HAUS6: variants seen among roughly 807,000 people sequenced by gnomAD.
HAUS6 encodes the protein HAUS augmin-like complex subunit 6.
A neutral mutation model predicts 106.8 loss-of-function variants in HAUS6; 80 were observed. That is an observed-to-expected ratio of 0.75 (90% CI 0.63 to 0.90). The LOEUF (loss-of-function observed/expected upper bound fraction) is 0.90. Ranked by LOEUF, HAUS6 falls within the 40% of genes least tolerant of loss-of-function variation. HAUS6 has a pLI of 0.00. For missense variants in HAUS6, 1,155 were observed against 1,118.1 expected (o/e 1.03, Z -0.47); for synonymous variants, 356 against 379.1 (o/e 0.94, Z 0.71).
chr9:19,083,733 C>T (rs112131044), intron 7 of HAUS6, among the ~76,000 whole-genome samples: 14,621 of 150,128 alleles, frequency 0.097, 880 homozygotes, highest in Admixed American at 0.13. Context: ...ACCCGGCAGG[C>T]GGAGCTTGCA....
intron 11 of HAUS6, among the ~76,000 whole-genome samples, chr9:19,070,698 C>T (rs957052414): frequency 1.3e-5 from 2 of 152,152 alleles, no homozygotes; most frequent in Non-Finnish European, 2.9e-5. Flanking sequence ...ATTCTTCAAC[C>T]TATGACTGAA....
chr9:19,062,488 T>C (rs1344663234), intron 14 of HAUS6, among the ~76,000 whole-genome samples: 1 of 152,234 alleles, frequency 6.6e-6, no homozygotes, highest in African/African-American at 2.4e-5. Context: ...AAACCACAGA[T>C]GTAATATTAG....
At chr9:19,086,062 A>G (rs992929294) in intron 7 of HAUS6, among the ~76,000 whole-genome samples, 12 of 152,272 alleles carry the variant, frequency 7.9e-5, no homozygotes, top group African/African-American at 2.9e-4. Flanking sequence ...CTGTAATCCC[A>G]GCACTTTGGG....
At chr9:19,080,405 TAA>T in intron 9 of HAUS6, 72 bp downstream of exon 9, 1 of 904,932 alleles carries the variant, frequency 1.1e-6, no homozygotes, top group Non-Finnish European at 1.8e-6. Context: ...GAAGAGCTAT[TAA>T]ACTTATACAA....
rs41269013 is a variant in HAUS6, at chr9:19,102,484, G to T, written c.128+40C>A. 3 of 1,601,306 alleles carry T rather than the reference G, an allele frequency of 1.9e-6. No homozygotes were observed. The East Asian group carries it at 6.7e-5, about 36-fold the overall frequency. On this transcript the variant is annotated intron_variant, in intron 1 of 16. Transcript: ENST00000380502. ...AAGGGGGAGTCCCCCGGCGTCCCCC[G>T]GTTCAGGCTCCCTCGCCCCGCCGGC...
intron 12 of HAUS6, among the ~76,000 whole-genome samples, chr9:19,065,936 T>A (rs935142544): frequency 6.4e-4 from 65 of 101,156 alleles, no homozygotes; most frequent in East Asian, 1.8e-3. Context: ...CAGCCAAAAA[T>A]TTTTTTTTTT....
rs1476458428 is a variant in HAUS6 at position 19,058,425 on chromosome 9, G to C, written c.2342C>G (p.Pro781Arg). The change falls in exon 16 of 17, where the codon CCG becomes CGG. Residue 781 changes from proline to arginine, a missense_variant. Pro to Arg is a moderately radical substitution (Grantham distance 103, BLOSUM62 -2). Coordinates refer to ENST00000380502, the MANE Select transcript of HAUS6 (RefSeq NM_017645.5). Reference protein sequence around the residue: ...NDFGILHETLPEEVGHLSFNS... With the variant: ...NDFGILHETLREEVGHLSFNS... ...AAAACTTAGATGACCAACTTCTTCC[G>C]GGAGAGTTTCGTGTAATATGCCAAA... is the stretch of plus-strand genomic sequence containing the variant. 2 of 1,607,380 alleles carry C rather than the reference G, an allele frequency of 1.2e-6. No individual in the cohort carries two copies. Among genetic ancestry groups the C allele is most frequent in the Non-Finnish European group, 1.7e-6 (2 of 1,174,798 alleles).
In HAUS6 at chr9:19,086,973, T is replaced by A. The variant is rs1837311088; in HGVS notation, c.650+118A>T. On this transcript the variant is annotated intron_variant, in intron 6 of 16. Transcript: ENST00000380502. ...TCATAACTATGCTCTAATCCTATCA[T>A]CATCTGGCTATTGATATATTATTTT... The A allele has an allele frequency of 7.7e-6, 5 of 651,672 alleles. No homozygotes were observed. In the Admixed American group the frequency reaches 1.1e-4, roughly 14 times the overall value. 40.4% of individuals were successfully genotyped at this position (651,672 alleles called of 1,614,324 possible). A position where few individuals can be genotyped will look rare whatever the true frequency, so the allele number is the denominator to read the frequency against.
intron 9 of HAUS6, 97 bp downstream of exon 9, chr9:19,080,382 G>C (rs1203910045): frequency 6.8e-6 from 5 of 735,576 alleles, no homozygotes; most frequent in African/African-American, 1.8e-5. Context: ...TCTCATACTT[G>C]TTTGCCAAAG....
rs1327709862 is a variant in HAUS6 at position 19,094,948 on chromosome 9, CA to C, written c.225-554del. 2.0e-5 allele frequency among the ~76,000 whole-genome samples: 3 copies of C among 151,950 alleles called. No individual in the cohort carries two copies. In the South Asian group the frequency reaches 6.2e-4, roughly 32 times the overall value. Reference sequence around the variant, plus strand: ...AAAATGTATTAAATGAGGGAATGAACAGCTATAAAAATTGCTGAAAATCAGC... The same window carrying C: ...AAAATGTATTAAATGAGGGAATGAACGCTATAAAAATTGCTGAAAATCAGC... On this transcript the variant is annotated intron_variant, in intron 2 of 16. Coordinates refer to ENST00000380502, the MANE Select transcript of HAUS6 (RefSeq NM_017645.5).
intron 11 of HAUS6, among the ~76,000 whole-genome samples, chr9:19,076,198 A>C (rs1026321563): frequency 8.2e-4 from 54 of 66,004 alleles, no homozygotes; most frequent in African/African-American, 3.3e-3. Context: ...CATTTCTACA[A>C]AAAAAAAAAA....
chr9:19,070,617 A>G (rs1455854016), intron 11 of HAUS6, among the ~76,000 whole-genome samples: 4 of 152,240 alleles, frequency 2.6e-5, no homozygotes, highest in Non-Finnish European at 5.9e-5. Context: ...CACAAAAGCC[A>G]GCAAGGCCAA....
At chr9:19,097,751 TAATC>T (rs1442761610) in intron 1 of HAUS6, among the ~76,000 whole-genome samples, 3 of 148,726 alleles carry the variant, frequency 2.0e-5, no homozygotes, top group Non-Finnish European at 3.0e-5. Flanking sequence ...TTACCCTAAT[TAATC>T]AAAACAAAGC....
At chr9:19,089,153 G>T (rs1352829244) in intron 5 of HAUS6, among the ~76,000 whole-genome samples, 1 of 152,112 alleles carries the variant, frequency 6.6e-6, no homozygotes, top group Non-Finnish European at 1.5e-5. Context: ...TGAGGTGGGA[G>T]GATGACTTAA....
At chr9:19,083,089 C>A in intron 7 of HAUS6, 46 bp from the exon 8 acceptor site, 2 of 1,180,858 alleles carry the variant, frequency 1.7e-6, no homozygotes, top group South Asian at 2.0e-5. Flanking sequence ...ATAATCTGTA[C>A]ATATTTTAAA....
intron 12 of HAUS6, among the ~76,000 whole-genome samples, chr9:19,066,789 T>C (rs1244028656): frequency 6.7e-6 from 1 of 148,548 alleles, no homozygotes; most frequent in Non-Finnish European, 1.5e-5. Context: ...AGCTCAGAAG[T>C]TTGAGACCAG....
rs550509867 is a variant in HAUS6, at chr9:19,061,407, C to G, written c.1630-1184G>C. Reference sequence around the variant, plus strand: ...TAATCAGAAAATGTGTTTTTCCTTTCAAAATTAGGAAAGTAAAAAATACTA... The same window carrying G: ...TAATCAGAAAATGTGTTTTTCCTTTGAAAATTAGGAAAGTAAAAAATACTA... On this transcript the variant is annotated intron_variant, in intron 14 of 16. Transcript: ENST00000380502. Among the ~76,000 whole-genome samples the G allele has an allele frequency of 8.6e-4, 131 of 152,124 alleles. 1 individual carries two copies. The highest frequency in any genetic ancestry group is 2.9e-3 in the South Asian group (14 of 4,808).
At chr9:19,087,186 T>G (rs750341062) in intron 5 of HAUS6, 30 bp from the exon 6 acceptor site, 15 of 1,190,476 alleles carry the variant, frequency 1.3e-5, no homozygotes, top group Non-Finnish European at 1.8e-5. Context: ...ATGACAACTA[T>G]AATACCATTA....
In HAUS6 at chr9:19,093,273, C is replaced by G. The variant is rs1380531323; in HGVS notation, c.334G>C (p.Val112Leu). The change falls in exon 4 of 17, where the codon GTT (valine) becomes CTT (leucine). Residue 112 changes from valine to leucine, a missense_variant. By Grantham distance (32) the Val-to-Leu change is conservative. Transcript: ENST00000380502. ...CCAGGAGAAAGAAATAGTGAACCAA[C>G]AACTTGAGGAAAGCTACTTCCACAT... is the stretch of plus-strand genomic sequence containing the variant. The part of the protein sequence containing the change: ...GECGSSFPQV[V>L]GSLFLSPGGP... The G allele has an allele frequency of 2.1e-5, 33 of 1,608,216 alleles. No individual in the cohort carries two copies. Among genetic ancestry groups the G allele is most frequent in the Middle Eastern group, 1.6e-4 (1 of 6,072 alleles).
Sources: gnomAD v4.1 joint callset for allele counts (sites outside exome capture counted in the v4.1 genomes callset) on GRCh38, gnomAD v4.1.1 for gene constraint, MANE v1.5 for transcripts, NCBI Gene and HGNC (gene_info 2026-07-23, HGNC 2026-07-21) for gene names.